The following TPO variants were observed in gnomAD, a reference collection of about 807,000 sequenced individuals.
TPO encodes the protein thyroid peroxidase, also known as thyroid microsomal antigen.
TPO carries 78 observed loss-of-function variants against 96.9 expected under a neutral mutation model. The ratio of observed to expected loss-of-function variants is 0.81; its 90% CI spans 0.67 to 0.97. The LOEUF (loss-of-function observed/expected upper bound fraction) is 0.97, where lower values mean the gene tolerates loss of function less well. Ranked by LOEUF, TPO falls within the 50% of genes least tolerant of loss-of-function variation. TPO has a pLI of 0.00. For synonymous variants in TPO, 547 were observed against 538.0 expected, an observed-to-expected ratio of 1.02 and a Z score of -0.23; for missense variants, 1,252 against 1,274.8, an observed-to-expected ratio of 0.98 and a Z score of 0.27.
At chr2:1,478,404 G>A in intron 8 of TPO, 1 of 984,736 alleles carries the variant, frequency 1.0e-6, no homozygotes, top group Non-Finnish European at 1.2e-6. Flanking sequence ...GAGCCTGCAG[G>A]GAGGTGCGCG....
intron 8 of TPO, among the ~76,000 whole-genome samples, chr2:1,481,011 C>A (rs976310390): frequency 4.0e-5 from 6 of 151,602 alleles, no homozygotes; most frequent in Non-Finnish European, 8.8e-5. Flanking sequence ...GCAGGGCCGC[C>A]CTCTGTGCTG....
intron 8 of TPO, among the ~76,000 whole-genome samples, chr2:1,481,606 T>G (rs536399640): frequency 6.6e-6 from 1 of 152,258 alleles, no homozygotes; most frequent in African/African-American, 2.4e-5. Context: ...GGGCAGGGGC[T>G]GCATCCCTGG....
intron 1 of TPO, among the ~76,000 whole-genome samples, chr2:1,407,263 C>T (rs1662261612): frequency 1.3e-5 from 2 of 152,208 alleles, no homozygotes; most frequent in South Asian, 4.2e-4. Context: ...CCACTTTGTT[C>T]GTAAAGGAAC....
chr2:1,539,973 C>G (rs557183123), intron 15 of TPO, among the ~76,000 whole-genome samples: 2 of 152,128 alleles, frequency 1.3e-5, no homozygotes, highest in Admixed American at 1.3e-4. Flanking sequence ...TTTGTACTTA[C>G]AGTTAAATCC....
intron 15 of TPO, among the ~76,000 whole-genome samples, chr2:1,519,895 G>T (rs1026944968): frequency 1.3e-5 from 2 of 152,160 alleles, no homozygotes; most frequent in African/African-American, 2.4e-5. Flanking sequence ...GACAGCCATA[G>T]ATGAAATGAA....
In TPO at chr2:1,458,163, G is replaced by A. The variant is rs377339745; in HGVS notation, c.819+1881G>A. On this transcript the variant is annotated intron_variant, in intron 7 of 16. Coordinates refer to ENST00000329066, the MANE Select transcript of TPO (RefSeq NM_001206744.2). ...GGTATATAAGATAGCGTGTGGACAC[G>A]TGTGTATATAGGATATAATATAGTG... 6.4e-4 allele frequency among the ~76,000 whole-genome samples: 97 copies of A among 151,598 alleles called. 2 individuals carry two copies. The highest frequency in any genetic ancestry group is 2.0e-3 in the African/African-American group (82 of 41,202).
upstream of TPO, among the ~76,000 whole-genome samples, chr2:1,374,061 GAAAC>G (rs1661679642): frequency 3.9e-5 from 6 of 152,330 alleles, no homozygotes; most frequent in South Asian, 1.2e-3. Flanking sequence ...TGCACACTCA[GAAAC>G]AAACAAGAGA....
intron 15 of TPO, among the ~76,000 whole-genome samples, chr2:1,523,019 AACT>A (rs1675524647): frequency 9.1e-5 from 1 of 10,954 alleles, no homozygotes; most frequent in Non-Finnish European, 1.8e-4. Flanking sequence ...AGATCCCCCC[AACT>A]CTGTGCAACC....
intron 5 of TPO, among the ~76,000 whole-genome samples, chr2:1,453,344 A>T (rs1191395610): frequency 2.0e-5 from 3 of 152,224 alleles, no homozygotes; most frequent in Admixed American, 6.5e-5. Flanking sequence ...GAGTACCAGA[A>T]GTTTCTGTCC....
intron 7 of TPO, among the ~76,000 whole-genome samples, chr2:1,459,145 A>T (rs1040185029): frequency 6.8e-6 from 1 of 147,942 alleles, no homozygotes; most frequent in Admixed American, 7.0e-5. Context: ...GAAGTTAACA[A>T]GGGACATTTT....
chr2:1,374,421 C>T (rs1661686694), intron 1 of TPO: 1 of 152,164 alleles, frequency 6.6e-6, no homozygotes, highest in African/African-American at 2.4e-5. Context: ...TCTGTGTTTT[C>T]CTTTTCCTTT....
At chr2:1,515,671 C>G (rs2125069708) in intron 14 of TPO, among the ~76,000 whole-genome samples, 1 of 152,250 alleles carries the variant, frequency 6.6e-6, no homozygotes, top group East Asian at 1.9e-4. Flanking sequence ...GCAAATGAGA[C>G]ACACCTGCAA....
chr2:1,374,870 G>C (rs1379058099), intron 1 of TPO, among the ~76,000 whole-genome samples: 2 of 151,682 alleles, frequency 1.3e-5, no homozygotes, highest in African/African-American at 4.8e-5. Context: ...GGGACTACAG[G>C]CACCCGCCAC....
At chr2:1,538,600 T>C (rs1431170952) in intron 15 of TPO, among the ~76,000 whole-genome samples, 1 of 152,188 alleles carries the variant, frequency 6.6e-6, no homozygotes, top group African/African-American at 2.4e-5. Flanking sequence ...AGCAAATTCA[T>C]AAAATGGGGA....
chr2:1,492,707 C>T (rs957408291), intron 10 of TPO, among the ~76,000 whole-genome samples: 10 of 152,182 alleles, frequency 6.6e-5, no homozygotes, highest in African/African-American at 2.4e-4. Context: ...GGAACCAGCC[C>T]AGTGCTCACA....
intron 7 of TPO, among the ~76,000 whole-genome samples, chr2:1,458,617 C>A (rs550305526): frequency 6.6e-6 from 1 of 151,862 alleles, no homozygotes; most frequent in Non-Finnish European, 1.5e-5. Context: ...TGTGTGGGCA[C>A]GTGTGTTTAT....
Position 1,496,584 on chromosome 2 carries a change from A to G in TPO, c.2216-11A>G, listed in dbSNP as rs1323059975. 6.2e-7 allele frequency: 1 copy of G among 1,613,764 alleles called. No homozygotes were observed. Among genetic ancestry groups the G allele is most frequent in the African/African-American group, 1.3e-5 (1 of 75,034 alleles). ...AGTTTGACTACATGTCAACCTGTCC[A>G]CATTTCATAGACGACAAGTGTGGCT... is the stretch of plus-strand genomic sequence containing the variant. On this transcript the variant is annotated splice_polypyrimidine_tract_variant and intron_variant, in intron 12 of 16. Coordinates refer to ENST00000329066, the MANE Select transcript of TPO (RefSeq NM_001206744.2).
At chr2:1,448,824 T>G (rs1378281346) in intron 5 of TPO, among the ~76,000 whole-genome samples, 1 of 152,116 alleles carries the variant, frequency 6.6e-6, no homozygotes, top group Admixed American at 6.6e-5. Context: ...TCGAGGTAGC[T>G]CACACCCTCG....
At chr2:1,502,999 G>A (rs1389378272) in intron 13 of TPO, among the ~76,000 whole-genome samples, 7 of 152,182 alleles carry the variant, frequency 4.6e-5, no homozygotes, top group Non-Finnish European at 8.8e-5. Flanking sequence ...GCACTGGGTC[G>A]CCTGAGCACT....
Sources: gnomAD v4.1 joint callset for allele counts (sites outside exome capture counted in the v4.1 genomes callset) on GRCh38, gnomAD v4.1.1 for gene constraint, MANE v1.5 for transcripts, NCBI Gene and HGNC (gene_info 2026-07-23, HGNC 2026-07-21) for gene names.